The following ANKFY1 variants were observed in gnomAD, a reference collection of about 807,000 sequenced individuals.
ANKFY1 encodes the protein ankyrin repeat and FYVE domain-containing protein 1.
In ANKFY1, 47 loss-of-function variants were observed where a neutral mutation model predicts 128.3. The ratio of observed to expected loss-of-function variants is 0.37; its 90% confidence interval spans 0.29 to 0.47. The LOEUF is 0.47. Ranked by LOEUF, ANKFY1 falls within the 20% of genes least tolerant of loss-of-function variation. The pLI, the probability that ANKFY1 is intolerant of heterozygous loss-of-function variation, is 1.00. For missense variants in ANKFY1, 1,222 were observed against 1,510.6 expected, an observed-to-expected ratio of 0.81 and a Z score of 3.17; for synonymous variants, 553 against 601.6, an observed-to-expected ratio of 0.92 and a Z score of 1.18.
At chr17:4,197,329 T>C in intron 8 of ANKFY1, 44 bp downstream of exon 8, 1 of 1,598,884 alleles carries the variant, frequency 6.3e-7, no homozygotes, top group Non-Finnish European at 8.6e-7. Flanking sequence ...TAAGATATCT[T>C]CTGAGAACAG....
intron 3 of ANKFY1, among the ~76,000 whole-genome samples, chr17:4,231,938 A>G (rs1235322093): frequency 1.3e-5 from 2 of 151,120 alleles, no homozygotes; most frequent in African/African-American, 4.9e-5. Context: ...TCCTGTTTAA[A>G]AAAAAAAAAA....
rs555160305 is a variant in ANKFY1 at position 4,263,877 on chromosome 17, A to G, written c.10+55T>C. ...CCTCCCACGGCAGCTTCGCACGGCC[A>G]GCAGCGCCCCCACAGCTCCGTGTCT... On this transcript the variant is annotated intron_variant, in intron 1 of 24. Coordinates refer to ENST00000341657, the MANE Select transcript of ANKFY1 (RefSeq NM_001330063.2). 1.9e-6 allele frequency: 3 copies of G among 1,613,308 alleles called. No homozygotes were observed. The South Asian group carries it at 3.3e-5, about 18-fold the overall frequency.
chr17:4,168,532 G>A (rs2059254278), intron 24 of ANKFY1, among the ~76,000 whole-genome samples: 1 of 151,884 alleles, frequency 6.6e-6, no homozygotes, highest in African/African-American at 2.4e-5. Context: ...TCGCTCTGTG[G>A]GCCACGCTGG....
Position 4,215,287 on chromosome 17 carries a change from T to TAAA in ANKFY1, c.458+1693_458+1695dup, listed in dbSNP as rs11422192. On this transcript the variant is annotated intron_variant, in intron 4 of 24. Transcript: ENST00000341657. The stretch of plus-strand genomic sequence containing the variant: ...AGGGTGACACAGTGAGGCTGTCTTC[T>TAAA]AAAAAAAAAAAAAAAAAATTAAGAG... Among the ~76,000 whole-genome samples, 64 of 128,998 alleles carry TAAA rather than the reference T, an allele frequency of 5.0e-4. 2 individuals are homozygous for TAAA. The South Asian group carries it at 0.014, about 27-fold the overall frequency. 84.6% of individuals were successfully genotyped at this position (128,998 alleles called of 152,430 possible).
chr17:4,213,622 A>G (rs2060173274), intron 4 of ANKFY1, among the ~76,000 whole-genome samples: 1 of 146,022 alleles, frequency 6.8e-6, no homozygotes. Context: ...GCTGGAGTGC[A>G]GTGGTACGAT....
chr17:4,173,705 C>CT (rs1217478075), intron 20 of ANKFY1, among the ~76,000 whole-genome samples: 1 of 152,230 alleles, frequency 6.6e-6, no homozygotes, highest in East Asian at 1.9e-4. Context: ...GCAGTGTGGG[C>CT]TTCCAGGGCT....
At position 4,184,859 on chromosome 17, in the gene ANKFY1, T is replaced by A; in HGVS notation, c.1658A>T (p.Tyr553Phe). 1 of 1,613,936 alleles carries A rather than the reference T, an allele frequency of 6.2e-7. No individual in the cohort carries two copies. The change falls in exon 12 of 25, where the codon TAT (tyrosine) becomes TTT (phenylalanine). Residue 553 changes from tyrosine to phenylalanine, a missense_variant. Coordinates refer to ENST00000341657, the MANE Select transcript of ANKFY1 (RefSeq NM_001330063.2). ...GACAGACACCACATCCGGATGGTTATAGGCGATCGCCATGTGCAGTGGCGT... is the reference window on the plus strand; with the variant it reads ...GACAGACACCACATCCGGATGGTTAAAGGCGATCGCCATGTGCAGTGGCGT... ...LQTPLHMAIAYNHPDVVSVIL... is the reference protein window; with the variant it reads ...LQTPLHMAIAFNHPDVVSVIL...
chr17:4,174,064 AGT>A lies in ANKFY1; in HGVS notation c.2776-10_2776-9del, dbSNP rs1488269551. ...TTTGGCTCCCGCAAGAAGCTGTTGA[AGT>A]TCATTACATGAACAGTCAGTCTCTC... On this transcript the variant is annotated splice_polypyrimidine_tract_variant and intron_variant, in intron 19 of 24. Transcript: ENST00000341657. 6.2e-7 allele frequency: 1 copy of A among 1,613,378 alleles called. No individual in the cohort carries two copies. Among genetic ancestry groups the A allele is most frequent in the African/African-American group, 1.3e-5 (1 of 74,934 alleles).
At chr17:4,245,765 C>T (rs1478024249) in intron 1 of ANKFY1, among the ~76,000 whole-genome samples, 2 of 134,144 alleles carry the variant, frequency 1.5e-5, no homozygotes, top group East Asian at 2.2e-4. Flanking sequence ...AAAAAAACAA[C>T]CAGCCAGGTC....
Position 4,167,917 on chromosome 17 carries a change from G to A in ANKFY1, c.3378-6C>T, listed in dbSNP as rs745807764. 6.2e-7 allele frequency: 1 copy of A among 1,611,992 alleles called. No individual in the cohort carries two copies. Among genetic ancestry groups the A allele is most frequent in the Non-Finnish European group, 8.5e-7 (1 of 1,178,922 alleles). ...GAAGACGTCCGCAGTGACGACTGTG[G>A]AAGCAAAGAAAGGAAGTATGAGAGG... is the stretch of plus-strand genomic sequence containing the variant. On this transcript the variant is annotated splice_polypyrimidine_tract_variant and splice_region_variant and intron_variant, in intron 24 of 24. Transcript: ENST00000341657. This position sits in a 1 kb window ranked among gnomAD's most constrained non-coding sequence, Gnocchi z 4.1.
intron 10 of ANKFY1, among the ~76,000 whole-genome samples, chr17:4,193,906 G>A (rs1160181884): frequency 6.7e-6 from 1 of 149,778 alleles, no homozygotes; most frequent in East Asian, 2.0e-4. Flanking sequence ...ATTACAGTGC[G>A]TGGCCACCAG....
intron 1 of ANKFY1, chr17:4,249,239 C>A: frequency 3.2e-6 from 1 of 314,970 alleles, no homozygotes; most frequent in Non-Finnish European, 4.6e-6. Context: ...CTCTGGGGCA[C>A]TACTCAACTC....
chr17:4,187,197 G>A (rs2059627891), intron 11 of ANKFY1: 1 of 420,480 alleles, frequency 2.4e-6, no homozygotes, highest in Non-Finnish European at 4.1e-6. Context: ...CGTCATTCTT[G>A]CACCACAGGG....
At chr17:4,177,928 G>A (rs932857305) in intron 18 of ANKFY1, 1 of 152,462 alleles carries the variant, frequency 6.6e-6, no homozygotes, top group African/African-American at 2.4e-5. Context: ...GTCTTAGCAT[G>A]AGTGTGGAGG....
At chr17:4,223,769 A>G (rs2060369974) in intron 3 of ANKFY1, 2 of 1,552,156 alleles carry the variant, frequency 1.3e-6, no homozygotes, top group African/African-American at 1.4e-5. Context: ...GGAGAGGCCC[A>G]AGTTTCAGCA....
At chr17:4,168,112 G>A (rs1295367561) in intron 24 of ANKFY1, 11 of 416,800 alleles carry the variant, frequency 2.6e-5, no homozygotes, top group Non-Finnish European at 3.9e-5. Flanking sequence ...CAATCATCAA[G>A]TTAAAGCAAT....
chr17:4,198,668 G>A (rs1056546899), intron 7 of ANKFY1, among the ~76,000 whole-genome samples: 3 of 151,998 alleles, frequency 2.0e-5, no homozygotes, highest in Non-Finnish European at 2.9e-5. Context: ...CACCGTGCCC[G>A]GCCTCTTTTT....
At chr17:4,249,715 A>C (rs933474074) in intron 1 of ANKFY1, among the ~76,000 whole-genome samples, 1 of 152,250 alleles carries the variant, frequency 6.6e-6, no homozygotes, top group Non-Finnish European at 1.5e-5. Context: ...CTCCAAGCTT[A>C]CCTCCTCACC....
chr17:4,249,113 G>C (rs1453002009), intron 1 of ANKFY1: 2 of 984,976 alleles, frequency 2.0e-6, no homozygotes, highest in Non-Finnish European at 2.4e-6. Context: ...ATATGGCACA[G>C]TCAGAAGAGA....
Sources: gnomAD v4.1 joint callset for allele counts (sites outside exome capture counted in the v4.1 genomes callset) on GRCh38, gnomAD v4.1.1 for gene constraint, Gnocchi (gnomAD v3.1) non-coding constraint, MANE v1.5 for transcripts, NCBI Gene and HGNC (gene_info 2026-07-23, HGNC 2026-07-21) for gene names.